PCTP: variants seen among roughly 807,000 people sequenced by gnomAD.
PCTP encodes the protein phosphatidylcholine transfer protein, also known as START domain-containing protein 2.
A neutral mutation model predicts 31.0 loss-of-function variants in PCTP; 27 were observed. The ratio of observed to expected loss-of-function variants is 0.87; its 90% CI spans 0.64 to 1.20. The LOEUF (loss-of-function observed/expected upper bound fraction) is 1.20. PCTP is among the 50% of genes most tolerant of loss of function. The pLI is 0.00. For synonymous variants in PCTP, 108 were observed against 101.2 expected, an observed-to-expected ratio of 1.07 and a Z score of -0.40; for missense variants, 287 against 268.2, an observed-to-expected ratio of 1.07 and a Z score of -0.49.
chr17:55,813,146 C>T (rs1912807955), intron 3 of PCTP, among the ~76,000 whole-genome samples: 1 of 152,154 alleles, frequency 6.6e-6, no homozygotes, highest in South Asian at 2.1e-4. Context: ...AATCAACACA[C>T]CAAATTAAAA....
In PCTP at chr17:55,776,777, A is replaced by C. The variant is rs1911353259; in HGVS notation, c.*677A>C. The C allele has an allele frequency of 8.9e-7, 1 of 1,117,852 alleles. No homozygotes were observed. Among genetic ancestry groups the C allele is most frequent in the Admixed American group, 5.0e-5 (1 of 20,148 alleles). 69.2% of individuals were successfully genotyped at this position (1,117,852 alleles called of 1,614,324 possible). On this transcript the variant is annotated 3_prime_UTR_variant, in exon 6 of 6. Transcript: ENST00000268896. ...TATCAGAGGCCTGACCGGACACATA[A>C]TATGACAACCACATTTTTCCTCATC...
rs9894191 is a variant in PCTP at position 55,751,080 on chromosome 17, C to A, written c.-24C>A. The A allele has an allele frequency of 6.6e-7, 1 of 1,509,362 alleles. No homozygotes were observed. Among genetic ancestry groups the A allele is most frequent in the East Asian group, 2.5e-5 (1 of 40,132 alleles). The allele number at this position is 1,509,362 out of a possible 1,614,324, so 93.5% of individuals were successfully genotyped here. On this transcript the variant is annotated 5_prime_UTR_variant, in exon 1 of 6. Transcript: ENST00000268896. ...GGGTGTCCGCGGCCTGCCCTCCAGG[C>A]GGAGGAGCCCGGACTGCGGAAGGAT... is the stretch of plus-strand genomic sequence containing the variant.
chr17:55,808,507 G>A (rs1912645829), intron 3 of PCTP, among the ~76,000 whole-genome samples: 2 of 152,202 alleles, frequency 1.3e-5, no homozygotes, highest in South Asian at 4.1e-4. Flanking sequence ...TTATTAGGTT[G>A]TGGTTCACCT....
At chr17:55,838,910 A>G (rs1598024955) in intron 5 of PCTP, among the ~76,000 whole-genome samples, 1 of 152,206 alleles carries the variant, frequency 6.6e-6, no homozygotes, top group Non-Finnish European at 1.5e-5. Context: ...ACCATAGCAT[A>G]CAGAATGCTA....
intron 5 of PCTP, among the ~76,000 whole-genome samples, chr17:55,834,788 G>T (rs1024293753): frequency 5.3e-5 from 8 of 152,028 alleles, no homozygotes; most frequent in African/African-American, 1.9e-4. Context: ...GGGGGCAGAG[G>T]GATGCAAAAG....
At chr17:55,783,135 A>G (rs1911621389) in intron 2 of PCTP, among the ~76,000 whole-genome samples, 1 of 152,212 alleles carries the variant, frequency 6.6e-6, no homozygotes, top group Non-Finnish European at 1.5e-5. Context: ...AACACTGAGG[A>G]CAAATTTTTA....
At chr17:55,807,062 A>G (rs1912600900) in intron 3 of PCTP, among the ~76,000 whole-genome samples, 1 of 152,058 alleles carries the variant, frequency 6.6e-6, no homozygotes, top group Non-Finnish European at 1.5e-5. Context: ...AATGAGGGAG[A>G]CAGTGATGGT....
intron 1 of PCTP, among the ~76,000 whole-genome samples, chr17:55,753,503 A>C (rs1218347330): frequency 6.6e-6 from 1 of 152,198 alleles, no homozygotes; most frequent in African/African-American, 2.4e-5. Flanking sequence ...TTTTACCTAT[A>C]TATAAATGAA....
At chr17:55,805,554 A>C (rs1912547004) in intron 3 of PCTP, among the ~76,000 whole-genome samples, 1 of 152,102 alleles carries the variant, frequency 6.6e-6, no homozygotes, top group East Asian at 1.9e-4. Flanking sequence ...TTATGGCTGC[A>C]TAGTATTCCG....
intron 3 of PCTP, among the ~76,000 whole-genome samples, chr17:55,810,015 G>A (rs1912697005): frequency 6.6e-6 from 1 of 151,898 alleles, no homozygotes; most frequent in Admixed American, 6.6e-5. Context: ...AGGAAGCAAA[G>A]TCAGTATTAC....
intron 1 of PCTP, among the ~76,000 whole-genome samples, chr17:55,753,967 T>TAC (rs1909856062): frequency 6.6e-6 from 1 of 152,214 alleles, no homozygotes; most frequent in Non-Finnish European, 1.5e-5. Context: ...TTATTGGAAG[T>TAC]ACAGTACTGT....
intron 3 of PCTP, among the ~76,000 whole-genome samples, chr17:55,821,914 G>A (rs1449143250): frequency 6.6e-6 from 1 of 152,176 alleles, no homozygotes; most frequent in Admixed American, 6.5e-5. Flanking sequence ...CTGGAACTGG[G>A]GTGAGGTGTT....
chr17:55,839,046 TCA>T (rs1485300071), intron 5 of PCTP, among the ~76,000 whole-genome samples: 1 of 152,134 alleles, frequency 6.6e-6, no homozygotes, highest in Non-Finnish European at 1.5e-5. Flanking sequence ...ACATACACAT[TCA>T]CATAGAACAT....
intron 2 of PCTP, among the ~76,000 whole-genome samples, chr17:55,785,179 G>A (rs1911703281): frequency 6.6e-6 from 1 of 152,236 alleles, no homozygotes; most frequent in Admixed American, 6.5e-5. Flanking sequence ...CACTTTCTCT[G>A]TCTGGATTGT....
At chr17:55,847,678 C>T (rs1906175827), downstream of PCTP, among the ~76,000 whole-genome samples, 1 of 152,120 alleles carries the variant, frequency 6.6e-6, no homozygotes. Context: ...AGTCTAAAGA[C>T]TCAAGAAGAG....
At chr17:55,757,146 C>T (rs1397847947) in intron 1 of PCTP, among the ~76,000 whole-genome samples, 3 of 151,464 alleles carry the variant, frequency 2.0e-5, no homozygotes, top group Admixed American at 6.6e-5. Flanking sequence ...TATATATGTA[C>T]ACACACAAAA....
At chr17:55,812,177 G>C (rs994716254) in intron 3 of PCTP, among the ~76,000 whole-genome samples, 1 of 152,110 alleles carries the variant, frequency 6.6e-6, no homozygotes, top group Non-Finnish European at 1.5e-5. Flanking sequence ...AGTTCACTTT[G>C]AGGTGAATAA....
chr17:55,796,231 C>A lies in PCTP; in HGVS notation c.317+8577C>A, dbSNP rs865895606. ...ACTGGATTGTGAAAGGCATAATACA[C>A]TCAACTAGTGAGCTATTAGTTTATT... On this transcript the variant is annotated intron_variant, in intron 3 of 3. Coordinates refer to the PCTP transcript ENST00000572536. Among the ~76,000 whole-genome samples, 4 of 152,092 alleles carry A rather than the reference C, an allele frequency of 2.6e-5. No individual in the cohort carries two copies. In the Middle Eastern group the frequency reaches 0.014, roughly 517 times the overall value.
intron 5 of PCTP, among the ~76,000 whole-genome samples, chr17:55,840,094 A>G (rs185224240): frequency 5.1e-4 from 77 of 152,258 alleles, no homozygotes; most frequent in South Asian, 2.1e-4. Flanking sequence ...CCGTTGCCCA[A>G]AGTGGTCATC....
Sources: allele counts gnomAD v4.1 joint callset (sites outside exome capture counted in the v4.1 genomes callset), GRCh38; gene constraint gnomAD v4.1.1; transcripts MANE v1.5; gene names NCBI Gene and HGNC (gene_info 2026-07-23, HGNC 2026-07-21).